The following TLK1 variants were observed in gnomAD, a reference collection of about 807,000 sequenced individuals.
TLK1 encodes the protein tousled like kinase 1.
A neutral mutation model predicts 105.3 loss-of-function variants in TLK1; 24 were observed. The ratio of observed to expected loss-of-function variants is 0.23; its 90% CI spans 0.17 to 0.32. TLK1 has a LOEUF of 0.32. Among genes scored for constraint, TLK1 ranks in the 10% least tolerant of loss-of-function variants. The pLI is 1.00. For missense variants in TLK1, 558 were observed against 910.5 expected, an observed-to-expected ratio of 0.61 and a Z score of 4.98; for synonymous variants, 321 against 310.4, an observed-to-expected ratio of 1.03 and a Z score of -0.36.
At chr2:171,067,294 G>C (rs1688044809) in intron 3 of TLK1, among the ~76,000 whole-genome samples, 1 of 150,552 alleles carries the variant, frequency 6.6e-6, no homozygotes. Flanking sequence ...CGAGTAGCTG[G>C]GACTACAGGC....
intron 12 of TLK1, among the ~76,000 whole-genome samples, chr2:171,015,660 C>G (rs1381726634): frequency 7.0e-6 from 1 of 143,276 alleles, no homozygotes; most frequent in African/African-American, 2.6e-5. Context: ...GTACACATAT[C>G]ACTCATGTCA....
At chr2:171,046,107 T>A in intron 11 of TLK1, 67 bp downstream of exon 11, 1 of 1,279,882 alleles carries the variant, frequency 7.8e-7, no homozygotes, top group Non-Finnish European at 1.0e-6. Flanking sequence ...ATAAATAACA[T>A]CCATTAGTAA....
intron 2 of TLK1, among the ~76,000 whole-genome samples, chr2:171,111,456 G>C (rs1690160885): frequency 6.6e-6 from 1 of 151,942 alleles, no homozygotes; most frequent in African/African-American, 2.4e-5. Context: ...CATGGTGCAA[G>C]CGCCTATAGT....
intron 1 of TLK1, among the ~76,000 whole-genome samples, chr2:171,173,303 A>G (rs746044954): frequency 6.6e-6 from 1 of 152,336 alleles, no homozygotes; most frequent in Admixed American, 6.5e-5. Flanking sequence ...TTCTTGCCCA[A>G]TCTCATCTAC....
chr2:171,085,334 G>A (rs562447282), intron 2 of TLK1, among the ~76,000 whole-genome samples: 8 of 151,110 alleles, frequency 5.3e-5, no homozygotes, highest in African/African-American at 1.5e-4. Flanking sequence ...AGGTTGCAGC[G>A]AGCCAAGATC....
At chr2:171,068,360 T>C (rs924552238) in intron 3 of TLK1, among the ~76,000 whole-genome samples, 5 of 152,058 alleles carry the variant, frequency 3.3e-5, no homozygotes, top group African/African-American at 1.2e-4. Flanking sequence ...AAAAGAAAGA[T>C]GGGGTCTCGC....
At chr2:171,003,199 G>T (rs1019918738) in intron 18 of TLK1, among the ~76,000 whole-genome samples, 37 of 148,842 alleles carry the variant, frequency 2.5e-4, no homozygotes, top group African/African-American at 9.3e-4. Flanking sequence ...GTGTGGACCC[G>T]GGAGGCGGAG....
At chr2:171,080,405 T>C (rs1688696226) in intron 3 of TLK1, among the ~76,000 whole-genome samples, 1 of 151,644 alleles carries the variant, frequency 6.6e-6, no homozygotes, top group African/African-American at 2.4e-5. Flanking sequence ...TTCTCATGTT[T>C]ACTTAATGAT....
chr2:171,189,219 T>A (rs997126868), intron 1 of TLK1, among the ~76,000 whole-genome samples: 2 of 149,002 alleles, frequency 1.3e-5, no homozygotes, highest in Non-Finnish European at 3.0e-5. Context: ...CAGACTAGAG[T>A]GCAATGGCAC....
chr2:171,160,580 C>A lies in TLK1; in HGVS notation c.-152G>T. On this transcript the variant is annotated 5_prime_UTR_variant, in exon 1 of 21. Transcript: ENST00000431350. This position sits in a 1 kb window ranked among gnomAD's most constrained non-coding sequence, Gnocchi z 4.4. ...GAGTCAAGGGGATGGGGGAGGAAAC[C>A]GAGAAGAGGGGAGGTGGGGAGGAAA... is the stretch of plus-strand genomic sequence containing the variant. 5.9e-6 allele frequency: 7 copies of A among 1,185,290 alleles called. No homozygotes were observed. The highest frequency in any genetic ancestry group is 8.0e-6 in the Non-Finnish European group (7 of 873,088). 73.4% of individuals were successfully genotyped at this position (1,185,290 alleles called of 1,614,324 possible).
chr2:171,185,402 A>G (rs1693008497), intron 1 of TLK1, among the ~76,000 whole-genome samples: 1 of 152,074 alleles, frequency 6.6e-6, no homozygotes, highest in Non-Finnish European at 1.5e-5. Flanking sequence ...ACAGAGTCCA[A>G]ATTCCTTGGT....
At chr2:171,161,334 G>A (rs2105617084), upstream of TLK1, among the ~76,000 whole-genome samples, 1 of 152,220 alleles carries the variant, frequency 6.6e-6, no homozygotes, top group East Asian at 1.9e-4. Context: ...CCGCTTCTCG[G>A]GAGTTCAATG....
chr2:171,130,247 C>CA (rs1691046022), intron 1 of TLK1, among the ~76,000 whole-genome samples: 1 of 152,112 alleles, frequency 6.6e-6, no homozygotes, highest in Non-Finnish European at 1.5e-5. Flanking sequence ...ACTAGAAATA[C>CA]AAAAATTAGC....
intron 1 of TLK1, chr2:171,153,740 A>C (rs555244087): frequency 6.6e-6 from 1 of 152,322 alleles, no homozygotes; most frequent in African/African-American, 2.4e-5. Context: ...CTGAGGAACA[A>C]TCACCTACTT....
Position 171,053,785 on chromosome 2 carries a change from C to T in TLK1, c.708G>A (p.Glu236=). Residue 236 remains glutamate, a synonymous_variant, in exon 8 of 21, where the codon GAG becomes GAA. Transcript: ENST00000431350. ...SNKIQDLEKK[E]GRIDDLLRAN... The stretch of plus-strand genomic sequence containing the variant: ...CCCTGAGCAAATCATCTATACGTCC[C>T]TCCTTCTTTTCCAGGTCCTGGATTT... The T allele has an allele frequency of 1.2e-6, 2 of 1,610,454 alleles. No homozygotes were observed. Among genetic ancestry groups the T allele is most frequent in the African/African-American group, 1.3e-5 (1 of 74,768 alleles).
At chr2:171,009,913 AG>A (rs1216918381) in intron 14 of TLK1, among the ~76,000 whole-genome samples, 2 of 152,236 alleles carry the variant, frequency 1.3e-5, no homozygotes, top group African/African-American at 4.8e-5. Context: ...GAAGATGCAG[AG>A]GGTCAGGGAA....
chr2:171,050,301 C>G, intron 8 of TLK1, 127 bp from the exon 9 acceptor site: 1 of 519,870 alleles, frequency 1.9e-6, no homozygotes, highest in Non-Finnish European at 3.0e-6. Context: ...GAGTATGATA[C>G]GAGAAAAAAA....
At chr2:171,103,102 G>A (rs551089932) in intron 2 of TLK1, among the ~76,000 whole-genome samples, 14 of 152,060 alleles carry the variant, frequency 9.2e-5, no homozygotes, top group African/African-American at 3.1e-4. Flanking sequence ...AATAACTGCC[G>A]TGGTGGGGCA....
chr2:171,184,145 G>A (rs963637687), intron 1 of TLK1, among the ~76,000 whole-genome samples: 5 of 152,122 alleles, frequency 3.3e-5, no homozygotes, highest in African/African-American at 1.2e-4. Context: ...TGAAGAAAGG[G>A]CCAAAAGCCA....
Sources: gnomAD v4.1 joint callset for allele counts (sites outside exome capture counted in the v4.1 genomes callset) on GRCh38, gnomAD v4.1.1 for gene constraint, Gnocchi (gnomAD v3.1) non-coding constraint, MANE v1.5 for transcripts, NCBI Gene and HGNC (gene_info 2026-07-23, HGNC 2026-07-21) for gene names.